AAK1: variants seen among roughly 807,000 people sequenced by gnomAD.
AAK1 encodes AP2-associated protein kinase 1.
AAK1 carries 37 observed loss-of-function variants against 116.0 expected under a neutral mutation model. The ratio of observed to expected loss-of-function variants is 0.32; its 90% CI spans 0.25 to 0.42. The LOEUF (loss-of-function observed/expected upper bound fraction) is 0.42, where lower values mean the gene tolerates loss of function less well. AAK1 is among the 10% of genes least tolerant of loss of function. The pLI is 1.00. For missense variants in AAK1, 919 were observed against 1,170.6 expected (o/e 0.79, Z 3.14); for synonymous variants, 458 against 439.9 (o/e 1.04, Z -0.51).
At chr2:69,516,656 C>T (rs756532714) in intron 12 of AAK1, 4 of 152,174 alleles carry the variant, frequency 2.6e-5, no homozygotes, top group African/African-American at 9.7e-5. Context: ...GAGTTACATT[C>T]AAAGGATTTA....
chr2:69,636,338 C>T (rs1035055765), intron 2 of AAK1, among the ~76,000 whole-genome samples: 31 of 152,144 alleles, frequency 2.0e-4, no homozygotes, highest in African/African-American at 7.5e-4. Context: ...AATAAGTTAA[C>T]CAAAATCTTG....
rs1675816061 is a variant in AAK1, at chr2:69,643,053, G to C, written c.-13C>G. On this transcript the variant is annotated 5_prime_UTR_variant, in exon 2 of 22. Transcript: ENST00000409085. The stretch of plus-strand genomic sequence containing the variant: ...AAAACTTCTTCATCTTGCGAATAGG[G>C]AGCAGCAAAGCAAAATACCGATGGT... 6.3e-7 allele frequency: 1 copy of C among 1,576,086 alleles called. No individual in the cohort carries two copies. Among genetic ancestry groups the C allele is most frequent in the Non-Finnish European group, 8.6e-7 (1 of 1,164,178 alleles).
chr2:69,530,277 G>T, intron 7 of AAK1, 137 bp from the exon 8 acceptor site: 1 of 911,636 alleles, frequency 1.1e-6, no homozygotes, highest in Non-Finnish European at 1.6e-6. Flanking sequence ...AGAAACATGA[G>T]TTTTAGAACC....
In AAK1 at chr2:69,469,695, C is replaced by T; in HGVS notation, c.*6174G>A. 1 of 985,450 alleles carries T rather than the reference C, an allele frequency of 1.0e-6. No individual in the cohort carries two copies. Among genetic ancestry groups the T allele is most frequent in the Non-Finnish European group, 1.2e-6 (1 of 829,936 alleles). 61.0% of individuals were successfully genotyped at this position (985,450 alleles called of 1,614,324 possible). On this transcript the variant is annotated 3_prime_UTR_variant, in exon 22 of 22. Coordinates refer to ENST00000409085, the MANE Select transcript of AAK1 (RefSeq NM_014911.5). ...CACAGGGTCTTACTTATCATAGAGC[C>T]TAACGTAGGGTTTTGTTATAATTCC...
At chr2:69,592,036 G>A in intron 2 of AAK1, among the ~76,000 whole-genome samples, 1 of 152,102 alleles carries the variant, frequency 6.6e-6, no homozygotes, top group Non-Finnish European at 1.5e-5. Context: ...AGGTCAATAA[G>A]AGCAAATGAG....
chr2:69,481,156 C>A, intron 18 of AAK1, 195 bp from the exon 19 acceptor site: 2 of 438,662 alleles, frequency 4.6e-6, no homozygotes, highest in South Asian at 3.1e-5. Context: ...GCCACTGCAC[C>A]CAGCCATGTG....
At position 69,514,477 on chromosome 2, in the gene AAK1, C is replaced by T. The variant is rs2276689; in HGVS notation, c.1770G>A (p.Glu590=). 0.39 allele frequency: 608,154 copies of T among 1,543,316 alleles called. 123,969 individuals carry two copies. Among genetic ancestry groups the T allele is most frequent in the East Asian group, 0.53 (21,710 of 40,770 alleles). The change falls in exon 13 of 22, where the codon GAG becomes GAA. Residue 590 remains glutamate (E), a synonymous_variant. Transcript: ENST00000409085. ...AAAPQPAPAQ[E]PAIQAPVRQQ... ...AGCTCTGGTTGATTCTTACCGCTGG[C>T]TCCTGGGCAGGGGCTGGCTGTGGGG... is the stretch of plus-strand genomic sequence containing the variant.
chr2:69,468,672 A>G lies in AAK1; in HGVS notation c.*7197T>C, dbSNP rs897883183. 9.1e-6 allele frequency: 9 copies of G among 985,306 alleles called. No individual in the cohort carries two copies. Among genetic ancestry groups the G allele is most frequent in the Non-Finnish European group, 1.1e-5 (9 of 829,930 alleles). 61.0% of individuals were successfully genotyped at this position (985,306 alleles called of 1,614,324 possible). On this transcript the variant is annotated 3_prime_UTR_variant, in exon 22 of 22. Coordinates refer to ENST00000409085, the MANE Select transcript of AAK1 (RefSeq NM_014911.5). Reference sequence around the variant, plus strand: ...AATTTAAACTGAATTCAGTTAAAACAATTTGTGCACAGAGACTGGCAAAAA... The same window carrying G: ...AATTTAAACTGAATTCAGTTAAAACGATTTGTGCACAGAGACTGGCAAAAA...
intron 18 of AAK1, chr2:69,481,977 C>T (rs1206601595): frequency 6.6e-6 from 1 of 152,148 alleles, no homozygotes; most frequent in Non-Finnish European, 1.5e-5. Context: ...GGCTAACTAA[C>T]AACATTTTTT....
Position 69,507,620 on chromosome 2 carries a change from G to T in AAK1, c.2007-42C>A, listed in dbSNP as rs1026194758. 4.0e-6 allele frequency: 6 copies of T among 1,500,114 alleles called. No homozygotes were observed. The African/African-American group carries it at 5.6e-5, about 14-fold the overall frequency. 92.9% of individuals were successfully genotyped at this position (1,500,114 alleles called of 1,614,324 possible). A position where few individuals can be genotyped will look rare whatever the true frequency, so the allele number is the denominator to read the frequency against. On this transcript the variant is annotated intron_variant, in intron 14 of 21. Transcript: ENST00000409085. ...CCCCACGAAACAAAAAGATATAAAA[G>T]TTGAACAAAACAAAAAGGGTCAACT...
At chr2:69,552,649 T>C (rs970234283) in intron 3 of AAK1, among the ~76,000 whole-genome samples, 2 of 152,056 alleles carry the variant, frequency 1.3e-5, no homozygotes, top group African/African-American at 4.8e-5. Context: ...AGGCAGAGAT[T>C]GCAGTGAGCC....
chr2:69,630,537 T>G (rs1173568503), intron 2 of AAK1, among the ~76,000 whole-genome samples: 2 of 152,250 alleles, frequency 1.3e-5, no homozygotes, highest in African/African-American at 4.8e-5. Flanking sequence ...CTGTGTGAAG[T>G]GCTTTGCATA....
intron 3 of AAK1, among the ~76,000 whole-genome samples, chr2:69,549,572 G>A (rs887760795): frequency 1.3e-5 from 2 of 152,038 alleles, no homozygotes; most frequent in Admixed American, 1.3e-4. Context: ...AATACTCCAG[G>A]CTTGGTCTGA....
intron 3 of AAK1, among the ~76,000 whole-genome samples, chr2:69,549,640 A>G (rs556359019): frequency 1.2e-3 from 179 of 152,318 alleles, no homozygotes; most frequent in African/African-American, 3.9e-3. Flanking sequence ...GCAGCTAAAC[A>G]TTACATTCTT....
At chr2:69,592,140 T>A (rs188529839) in intron 2 of AAK1, among the ~76,000 whole-genome samples, 1 of 152,262 alleles carries the variant, frequency 6.6e-6, no homozygotes, top group Non-Finnish European at 1.5e-5. Flanking sequence ...GTATCTCCAA[T>A]CTCTAGACTA....
In AAK1 at chr2:69,466,486, C is replaced by A; in HGVS notation, c.*9383G>T. ...TCTGGATACAGCGGAAGGCCTTTAA[C>A]ACCCAGTGATTCTTTAAAGTGCTCT... is the stretch of plus-strand genomic sequence containing the variant. On this transcript the variant is annotated 3_prime_UTR_variant, in exon 22 of 22. Coordinates refer to ENST00000409085, the MANE Select transcript of AAK1 (RefSeq NM_014911.5). The A allele has an allele frequency of 7.9e-7, 1 of 1,263,804 alleles. No individual in the cohort carries two copies. The highest frequency in any genetic ancestry group is 1.3e-5 in the South Asian group (1 of 77,666). The allele number at this position is 1,263,804 out of a possible 1,614,324, so 78.3% of individuals were successfully genotyped here. A position where few individuals can be genotyped will look rare whatever the true frequency, so the allele number is the denominator to read the frequency against.
intron 17 of AAK1, among the ~76,000 whole-genome samples, chr2:69,494,199 T>C (rs911489787): frequency 1.3e-5 from 2 of 151,820 alleles, no homozygotes; most frequent in African/African-American, 4.8e-5. Flanking sequence ...GGTATTAAAG[T>C]GTATACCAGT....
chr2:69,617,502 C>T (rs1296470730), intron 2 of AAK1, among the ~76,000 whole-genome samples: 2 of 152,184 alleles, frequency 1.3e-5, no homozygotes, highest in African/African-American at 2.4e-5. Flanking sequence ...TTCCTAAATA[C>T]CTACTTATTA....
chr2:69,471,302 A>C lies in AAK1; in HGVS notation c.*4567T>G, dbSNP rs1178849819. 1 of 985,348 alleles carries C rather than the reference A, an allele frequency of 1.0e-6. No individual in the cohort carries two copies. The highest frequency in any genetic ancestry group is 1.2e-6 in the Non-Finnish European group (1 of 829,942). 61.0% of individuals were successfully genotyped at this position (985,348 alleles called of 1,614,324 possible). A position where few individuals can be genotyped will look rare whatever the true frequency, so the allele number is the denominator to read the frequency against. ...TCCCTATCCCGTATTAGTGAAAGGA[A>C]ATCTGGGAGAAGCAAAAGAGGTTTC... On this transcript the variant is annotated 3_prime_UTR_variant, in exon 22 of 22. Transcript: ENST00000409085.
Sources: allele counts gnomAD v4.1 joint callset (sites outside exome capture counted in the v4.1 genomes callset), GRCh38; gene constraint gnomAD v4.1.1; transcripts MANE v1.5; gene names NCBI Gene and HGNC (gene_info 2026-07-23, HGNC 2026-07-21).